The following KRT81 variants were observed in gnomAD, a reference collection of about 807,000 sequenced individuals.
KRT81 encodes the protein keratin 81.
In KRT81, 35 loss-of-function variants were observed where a neutral mutation model predicts 35.8. That is an observed-to-expected ratio of 0.98 (90% CI 0.75 to 1.30). The LOEUF (loss-of-function observed/expected upper bound fraction) is 1.30. Ranked by LOEUF, KRT81 falls within the 50% of genes most tolerant of loss-of-function variation. KRT81 has a pLI of 0.00. For synonymous variants in KRT81, 249 were observed against 251.2 expected (o/e 0.99, Z 0.08); for missense variants, 531 against 577.4 (o/e 0.92, Z 0.82).
chr12:52,285,955 A>G lies in KRT81; in HGVS notation c.*300T>C. 2.1e-6 allele frequency: 1 copy of G among 473,130 alleles called. No individual in the cohort carries two copies. The highest frequency in any genetic ancestry group is 3.9e-6 in the Non-Finnish European group (1 of 257,746). 29.3% of individuals were successfully genotyped at this position (473,130 alleles called of 1,614,324 possible). On this transcript the variant is annotated 3_prime_UTR_variant, in exon 9 of 9. Transcript: ENST00000327741. Reference sequence around the variant, plus strand: ...TTGAAACACAGATCAAGAGCAGAGGAGGAAGGGGAGAGGCAGGAAGGCAGT... The same window carrying G: ...TTGAAACACAGATCAAGAGCAGAGGGGGAAGGGGAGAGGCAGGAAGGCAGT...
At position 52,288,472 on chromosome 12, in the gene KRT81, G is replaced by C; in HGVS notation, c.640-16C>G. ...AGTCCACATCCTGGAAAGGTGGGGAGTGTTGGAGCTCAAGGACCCTGGTGA... is the reference window on the plus strand; with the variant it reads ...AGTCCACATCCTGGAAAGGTGGGGACTGTTGGAGCTCAAGGACCCTGGTGA... On this transcript the variant is annotated splice_polypyrimidine_tract_variant and intron_variant, in intron 3 of 8. Coordinates refer to ENST00000327741, the MANE Select transcript of KRT81 (RefSeq NM_002281.4). The C allele has an allele frequency of 6.2e-7, 1 of 1,613,900 alleles. No homozygotes were observed.
rs1477986906 is a variant in KRT81, at chr12:52,287,102, C to T, written c.1247G>A (p.Arg416Lys). 1 of 1,612,880 alleles carries T rather than the reference C, an allele frequency of 6.2e-7. No homozygotes were observed. Residue 416 changes from arginine to lysine, a missense_variant and splice_region_variant, in exon 7 of 9, where the codon AGG (arginine) becomes AAG (lysine). Transcript: ENST00000327741. Reference protein sequence around the residue: ...YRRLLEGEEQRLCEGIGAVNV... With the variant: ...YRRLLEGEEQKLCEGIGAVNV... ...CTGGGCCACCCTTGGTTGGACCCAC[C>T]TCTGCTCCTCGCCCTCCAGCAGGCG...
rs771840321 is a variant in KRT81 at position 52,286,366 on chromosome 12, C to T, written c.1407G>A (p.Ala469=). Residue 469 remains alanine, a synonymous_variant, in exon 9 of 9, where the codon GCG becomes GCA. Transcript: ENST00000327741. ...AGGTGGTGTTCAATTGGCCGCAGGG[C>T]GCACACAGGCCGGTGCTCACCGCCA... ...GNVAVSTGLC[A]PCGQLNTTCG... The T allele has an allele frequency of 5.1e-6, 8 of 1,555,182 alleles. No individual in the cohort carries two copies. The highest frequency in any genetic ancestry group is 2.4e-5 in the South Asian group (2 of 84,278).
chr12:52,285,932 G>T lies in KRT81; in HGVS notation c.*323C>A. On this transcript the variant is annotated 3_prime_UTR_variant, in exon 9 of 9. Transcript: ENST00000327741. ...CCCAGGTTGGCTACATTAATTTATT[G>T]AAACACAGATCAAGAGCAGAGGAGG... 1 of 415,878 alleles carries T rather than the reference G, an allele frequency of 2.4e-6. No homozygotes were observed. The highest frequency in any genetic ancestry group is 4.5e-6 in the Non-Finnish European group (1 of 222,220). 25.8% of individuals were successfully genotyped at this position (415,878 alleles called of 1,614,324 possible). A position where few individuals can be genotyped will look rare whatever the true frequency, so the allele number is the denominator to read the frequency against.
intron 1 of KRT81, among the ~76,000 whole-genome samples, chr12:52,290,534 A>AC (rs759612226): frequency 0.3 from 1,809 of 6,116 alleles, 603 homozygotes; most frequent in East Asian, 0.46. Flanking sequence ...GAGTTGAGTG[A>AC]CCCCCCCCCC....
At position 52,291,368 on chromosome 12, in the gene KRT81, C is replaced by T; in HGVS notation, c.98G>A (p.Arg33His). ...GAGGCCGCGGTAGCAGGAGATGCCACGGTAGGGGGCGGCGGTGATGCAGCA... is the reference window on the plus strand; with the variant it reads ...GAGGCCGCGGTAGCAGGAGATGCCATGGTAGGGGGCGGCGGTGATGCAGCA... ...GRCCITAAPY[R>H]GISCYRGLTG... The change falls in exon 1 of 9, where the codon CGT becomes CAT. Residue 33 changes from arginine to histidine, a missense_variant. Physicochemically the swap from Arg to His is conservative, Grantham distance 29. Coordinates refer to ENST00000327741, the MANE Select transcript of KRT81 (RefSeq NM_002281.4). The T allele has an allele frequency of 2.5e-6, 4 of 1,601,118 alleles. No individual in the cohort carries two copies. The highest frequency in any genetic ancestry group is 3.4e-6 in the Non-Finnish European group (4 of 1,174,584).
Position 52,286,463 on chromosome 12 carries a change from CA to C in KRT81, c.1309del (p.Cys437AlafsTer12). The C allele has an allele frequency of 6.4e-7, 1 of 1,552,524 alleles. No individual in the cohort carries two copies. The highest frequency in any genetic ancestry group is 8.7e-7 in the Non-Finnish European group (1 of 1,147,812). ...GGAGCCTGACACGCAGAGGTCCCCG[CA>C]CACGACCCCGCCCCGGGAGCTGCTG... ...CVSSSRGGVV[C>X]GDLCVSGSRP... On this transcript the variant is annotated frameshift_variant, in exon 9 of 9. Coordinates refer to ENST00000327741, the MANE Select transcript of KRT81 (RefSeq NM_002281.4). LOFTEE classifies it low-confidence loss of function (END_TRUNC).
Position 52,289,018 on chromosome 12 carries a change from G to C in KRT81, c.639+197C>G, listed in dbSNP as rs376781618. Among the ~76,000 whole-genome samples, 9 of 127,732 alleles carry C rather than the reference G, an allele frequency of 7.0e-5. No individual in the cohort carries two copies. The East Asian group carries it at 2.1e-3, about 29-fold the overall frequency. The allele number at this position is 127,732 out of a possible 152,430, so 83.8% of individuals were successfully genotyped here. ...CATCCCCTTGCCCAAGGTAGGTGCT[G>C]GTAGATATTCCCAAGTCATTGCCCT... On this transcript the variant is annotated intron_variant, in intron 3 of 8. Transcript: ENST00000327741.
rs367880650 is a variant in KRT81 at position 52,287,675 on chromosome 12, C to A, written c.947G>T (p.Arg316Leu). The A allele has an allele frequency of 6.2e-7, 1 of 1,613,768 alleles. No homozygotes were observed. Among genetic ancestry groups the A allele is most frequent in the East Asian group, 2.2e-5 (1 of 44,884 alleles). The change falls in exon 6 of 9, where the codon CGC becomes CTC. Residue 316 changes from arginine to leucine, a missense_variant. Physicochemically the swap from Arg to Leu is moderately radical, Grantham distance 102. Transcript: ENST00000327741. ...ATVIRHGETL[R>L]RTKEEINELN... ...CTCATTGATCTCCTCCTTGGTGCGG[C>A]GCAGGGTCTCCCCGTGCCTGATCAC...
intron 6 of KRT81, 53 bp from the exon 7 acceptor site, chr12:52,287,375 G>A (rs1937981425): frequency 1.2e-6 from 2 of 1,605,488 alleles, no homozygotes; most frequent in Non-Finnish European, 1.7e-6. Flanking sequence ...TCTCTCTGAT[G>A]CTCATCCAAA....
chr12:52,288,034 C>T lies in KRT81; in HGVS notation c.850G>A (p.Asp284Asn), dbSNP rs1169418987. 21 of 1,614,092 alleles carry T rather than the reference C, an allele frequency of 1.3e-5. No individual in the cohort carries two copies. Among genetic ancestry groups the T allele is most frequent in the South Asian group, 4.4e-5 (4 of 91,088 alleles). Residue 284 changes from aspartate to asparagine, a missense_variant, in exon 5 of 9, where the codon GAC becomes AAC. By Grantham distance (23) the Asp-to-Asn change is conservative (BLOSUM62 1). Around this residue, in one of 5 missense-constraint regions of KRT81, gnomAD observed 194 missense variants for 198.2 expected, o/e 0.98. Transcript: ENST00000327741. Reference sequence around the variant, plus strand: ...TCGGCCCGGCTGCGGGTGACAATGTCGTCATACTGTGCCTTAATCTCGGCA... The same window carrying T: ...TCGGCCCGGCTGCGGGTGACAATGTTGTCATACTGTGCCTTAATCTCGGCA... ...IIAEIKAQYD[D>N]IVTRSRAEAE...
Position 52,286,414 on chromosome 12 carries a change from G to A in KRT81, c.1359C>T (p.Cys453=). The change falls in exon 9 of 9, where the codon TGC becomes TGT. Residue 453 remains cysteine (C), a synonymous_variant. Coordinates refer to ENST00000327741, the MANE Select transcript of KRT81 (RefSeq NM_002281.4). ...CCACGTTCCCGTTGCACGGAGCGCT[G>A]CAGACACTGCCAGTCACTGGCCGGG... ...SGSRPVTGSV[C]SAPCNGNVAV... 5 of 1,554,172 alleles carry A rather than the reference G, an allele frequency of 3.2e-6. No homozygotes were observed. Among genetic ancestry groups the A allele is most frequent in the Non-Finnish European group, 4.4e-6 (5 of 1,148,596 alleles).
At position 52,286,782 on chromosome 12, in the gene KRT81, A is replaced by G. The variant is rs1234648566; in HGVS notation, c.1279+9T>C. 12 of 1,613,784 alleles carry G rather than the reference A, an allele frequency of 7.4e-6. No individual in the cohort carries two copies. The highest frequency in any genetic ancestry group is 1.1e-5 in the South Asian group (1 of 91,046). On this transcript the variant is annotated intron_variant, in intron 8 of 8. Coordinates refer to ENST00000327741, the MANE Select transcript of KRT81 (RefSeq NM_002281.4). ...GTAAATCTGTCCACACTGGACCCCA[A>G]ATACTCACAGACATTCACAGCCCCA...
Position 52,286,392 on chromosome 12 carries a change from C to A in KRT81, c.1381G>T (p.Val461Leu). 1.3e-6 allele frequency: 2 copies of A among 1,555,348 alleles called. No individual in the cohort carries two copies. The highest frequency in any genetic ancestry group is 2.4e-5 in the South Asian group (2 of 84,270). The change falls in exon 9 of 9, where the codon GTG (valine) becomes TTG (leucine). Residue 461 changes from valine to leucine, a missense_variant. Physicochemically the swap from Val to Leu is conservative, Grantham distance 32. This residue lies in a region of KRT81 where 150 missense variants were observed against 145.4 expected (regional missense o/e 1.03). Coordinates refer to ENST00000327741, the MANE Select transcript of KRT81 (RefSeq NM_002281.4). ...GCACACAGGCCGGTGCTCACCGCCA[C>A]GTTCCCGTTGCACGGAGCGCTGCAG... The part of the protein sequence containing the change: ...SVCSAPCNGN[V>L]AVSTGLCAPC...
chr12:52,286,183 C>A lies in KRT81; in HGVS notation c.*72G>T. 4.7e-6 allele frequency: 6 copies of A among 1,264,702 alleles called. No individual in the cohort carries two copies. Among genetic ancestry groups the A allele is most frequent in the South Asian group, 1.3e-5 (1 of 77,966 alleles). The allele number at this position is 1,264,702 out of a possible 1,614,324, so 78.3% of individuals were successfully genotyped here. A position where few individuals can be genotyped will look rare whatever the true frequency, so the allele number is the denominator to read the frequency against. ...GAAGTAGCTGAGCACTTGCTCCAGG[C>A]GCCTGGACTGGATGGGCCAAGCAAG... On this transcript the variant is annotated 3_prime_UTR_variant, in exon 9 of 9. Transcript: ENST00000327741.
Position 52,291,470 on chromosome 12 carries a change from C to A in KRT81, c.-5G>T. ...AAATCCTGATCCGCAGGTCATGATC[C>A]TCCTGGACGTTTGGGTTGCAGAGGA... On this transcript the variant is annotated 5_prime_UTR_variant, in exon 1 of 9. The change creates a new upstream start codon in the 5' untranslated region. Transcript: ENST00000327741. The A allele has an allele frequency of 6.2e-7, 1 of 1,612,816 alleles. No individual in the cohort carries two copies. The highest frequency in any genetic ancestry group is 8.5e-7 in the Non-Finnish European group (1 of 1,179,502).
chr12:52,287,522 G>C, intron 6 of KRT81, 74 bp downstream of exon 6: 2 of 1,612,634 alleles, frequency 1.2e-6, no homozygotes, highest in South Asian at 2.2e-5. Flanking sequence ...TGAGATCCAG[G>C]TAGGGCACAC....
chr12:52,291,064 G>T lies in KRT81; in HGVS notation c.369+33C>A. 9.5e-6 allele frequency: 5 copies of T among 527,328 alleles called. No homozygotes were observed. The South Asian group carries it at 1.0e-4, about 11-fold the overall frequency. 32.7% of individuals were successfully genotyped at this position (527,328 alleles called of 1,614,324 possible). On this transcript the variant is annotated intron_variant, in intron 1 of 8. Coordinates refer to ENST00000327741, the MANE Select transcript of KRT81 (RefSeq NM_002281.4). The stretch of plus-strand genomic sequence containing the variant: ...CCGGCCCTGGCTGTGTAGGTGGTGG[G>T]GGTTCAGGAAGGGTGTGATCCAGGA...
rs147690541 is a variant in KRT81 at position 52,287,302 on chromosome 12, C to T, written c.1047G>A (p.Ala349=). The change falls in exon 7 of 9, where the codon GCG becomes GCA. Residue 349 remains alanine, a synonymous_variant. Coordinates refer to ENST00000327741, the MANE Select transcript of KRT81 (RefSeq NM_002281.4). ...CACCCTGCTGCTCAGACTGGGCCACCGCGGCCTCCAGCTTGGAGTTCTGAA... is the reference window on the plus strand; with the variant it reads ...CACCCTGCTGCTCAGACTGGGCCACTGCGGCCTCCAGCTTGGAGTTCTGAA... ...AKCQNSKLEA[A]VAQSEQQGEA... 4.2e-5 allele frequency: 67 copies of T among 1,614,014 alleles called. 1 individual carries two copies. The African/African-American group carries it at 5.5e-4, about 13-fold the overall frequency.
Sources: allele counts gnomAD v4.1 joint callset (sites outside exome capture counted in the v4.1 genomes callset), GRCh38; gene constraint gnomAD v4.1.1; regional missense constraint gnomAD v4.1.1; transcripts MANE v1.5; gene names NCBI Gene and HGNC (gene_info 2026-07-23, HGNC 2026-07-21).